Variants in PDE1C observed in about 807,000 individuals in gnomAD.
The protein encoded by PDE1C is dual specificity calcium/calmodulin-dependent 3',5'-cyclic nucleotide phosphodiesterase 1C.
Under a neutral mutation model 93.1 loss-of-function variants are expected in PDE1C, and 62 were observed. That is an observed-to-expected ratio of 0.67 (90% CI 0.54 to 0.82). The LOEUF is 0.82. PDE1C is among the 40% of genes least tolerant of loss of function. The pLI is 0.00. For synonymous variants in PDE1C, 325 were observed against 310.1 expected, an observed-to-expected ratio of 1.05 and a Z score of -0.50; for missense variants, 742 against 884.6, an observed-to-expected ratio of 0.84 and a Z score of 2.04.
At chr7:31,642,882 A>C in the PDE1C span, 5 of 1,613,908 alleles carry the variant, frequency 3.1e-6, no homozygotes, top group African/African-American at 5.3e-5. Flanking sequence ...TGATGGAGGA[A>C]GAGTTTCTGC....
chr7:31,755,940 C>A (rs1483280886), intron 17 of PDE1C, among the ~76,000 whole-genome samples: 1 of 152,112 alleles, frequency 6.6e-6, no homozygotes, highest in Non-Finnish European at 1.5e-5. Flanking sequence ...CCGAGGCTGG[C>A]AGATCACTGG....
At chr7:32,197,788 G>A (rs1323267292) in intron 2 of PDE1C, among the ~76,000 whole-genome samples, 2 of 152,128 alleles carry the variant, frequency 1.3e-5, no homozygotes, top group Non-Finnish European at 2.9e-5. Flanking sequence ...AGCCTTCTAG[G>A]ACTGTGGGTA....
At chr7:31,875,835 A>ATATATATATATAAT (rs70989618) in intron 5 of PDE1C, among the ~76,000 whole-genome samples, 1 of 123,598 alleles carries the variant, frequency 8.1e-6, no homozygotes, top group Non-Finnish European at 1.7e-5. Flanking sequence ...ATATATATAT[A>ATATATATATATAAT]ATGGAAAAAG....
intron 3 of PDE1C, among the ~76,000 whole-genome samples, chr7:32,102,436 C>A (rs1301563482): frequency 6.6e-6 from 1 of 152,206 alleles, no homozygotes; most frequent in Non-Finnish European, 1.5e-5. Flanking sequence ...GCTATTTAAC[C>A]TCCCTGAAAC....
At chr7:32,100,214 A>G (rs970763010) in intron 3 of PDE1C, among the ~76,000 whole-genome samples, 1 of 152,188 alleles carries the variant, frequency 6.6e-6, no homozygotes, top group Non-Finnish European at 1.5e-5. Flanking sequence ...CAACATTTCT[A>G]TATGTCCCAA....
At chr7:32,193,924 T>TG (rs1233707694) in intron 2 of PDE1C, among the ~76,000 whole-genome samples, 1 of 147,612 alleles carries the variant, frequency 6.8e-6, no homozygotes, top group Non-Finnish European at 1.5e-5. Flanking sequence ...TTGTTTTTTT[T>TG]TTTTTTTTGA....
At chr7:32,149,958 G>A (rs1015010303) in intron 3 of PDE1C, among the ~76,000 whole-genome samples, 3 of 152,144 alleles carry the variant, frequency 2.0e-5, no homozygotes, top group Non-Finnish European at 2.9e-5. Context: ...TCTGGAAAAC[G>A]GGCTTCTACT....
intron 2 of PDE1C, among the ~76,000 whole-genome samples, chr7:31,997,582 C>T (rs1360599616): frequency 1.3e-5 from 2 of 152,176 alleles, no homozygotes; most frequent in African/African-American, 2.4e-5. Context: ...GGTGTCAACA[C>T]AATGAGGGAG....
chr7:32,080,513 T>C (rs887145196), intron 3 of PDE1C, among the ~76,000 whole-genome samples: 1 of 152,218 alleles, frequency 6.6e-6, no homozygotes, highest in African/African-American at 2.4e-5. Flanking sequence ...CAAAAAGCAC[T>C]GACCAGAGTT....
chr7:31,734,306 C>A, the PDE1C span, among the ~76,000 whole-genome samples: 2 of 152,104 alleles, frequency 1.3e-5, no homozygotes, highest in African/African-American at 2.4e-5. Flanking sequence ...TAGGGCCCCC[C>A]TCTTTCATCA....
intron 2 of PDE1C, among the ~76,000 whole-genome samples, chr7:31,971,892 A>G (rs1811013438): frequency 6.6e-6 from 1 of 151,964 alleles, no homozygotes. Context: ...CTCTCCTTGC[A>G]CCTCCAGGAC....
intron 1 of PDE1C, among the ~76,000 whole-genome samples, chr7:32,399,472 G>A (rs779914869): frequency 2.0e-5 from 3 of 152,168 alleles, no homozygotes; most frequent in Middle Eastern, 3.4e-3. Flanking sequence ...GCTGGCTTGC[G>A]GGCGGTGCCT....
intron 1 of PDE1C, among the ~76,000 whole-genome samples, chr7:32,052,800 A>G (rs1459407593): frequency 1.3e-5 from 2 of 152,204 alleles, no homozygotes; most frequent in African/African-American, 4.8e-5. Context: ...TGTGGTCTTG[A>G]CTAGATATGT....
chr7:32,194,998 T>G (rs192720054), intron 2 of PDE1C, among the ~76,000 whole-genome samples: 5 of 152,334 alleles, frequency 3.3e-5, no homozygotes, highest in Admixed American at 2.6e-4. Context: ...TCTTCTGATG[T>G]TATCATTTTG....
intron 2 of PDE1C, among the ~76,000 whole-genome samples, chr7:31,913,404 A>T (rs1319520377): frequency 6.7e-6 from 1 of 148,942 alleles, no homozygotes; most frequent in Non-Finnish European, 1.5e-5. Flanking sequence ...GAATGAATCA[A>T]GGTGAAAAAA....
chr7:31,738,394 C>T, the PDE1C span, among the ~76,000 whole-genome samples: 4 of 152,270 alleles, frequency 2.6e-5, no homozygotes, highest in Non-Finnish European at 4.4e-5. Context: ...AGAGCGCTTG[C>T]GCAGGGGAAC....
chr7:32,207,549 G>T (rs1805676454), intron 2 of PDE1C, among the ~76,000 whole-genome samples: 1 of 152,128 alleles, frequency 6.6e-6, no homozygotes, highest in Non-Finnish European at 1.5e-5. Flanking sequence ...GACTACAAAA[G>T]GACTTAGTAG....
chr7:32,187,064 A>G (rs1317150872), intron 2 of PDE1C, among the ~76,000 whole-genome samples: 4 of 152,158 alleles, frequency 2.6e-5, no homozygotes, highest in Non-Finnish European at 4.4e-5. Context: ...TCCTCTTGAA[A>G]CAATATATAG....
the PDE1C span, among the ~76,000 whole-genome samples, chr7:31,694,435 T>C: frequency 1.3e-3 from 180 of 135,374 alleles, no homozygotes; most frequent in Non-Finnish European, 2.3e-3. Context: ...ATTAATATTA[T>C]CTCCACTCTA....
Sources: allele counts gnomAD v4.1 joint callset (sites outside exome capture counted in the v4.1 genomes callset), GRCh38; gene constraint gnomAD v4.1.1; transcripts MANE v1.5; gene names NCBI Gene and HGNC (gene_info 2026-07-23, HGNC 2026-07-21).